The following MMEL1 variants were observed in gnomAD, a reference collection of about 807,000 sequenced individuals.
MMEL1 encodes membrane metalloendopeptidase like 1, also known as membrane metallo-endopeptidase-like 1.
In MMEL1, 98 loss-of-function variants were observed where a neutral mutation model predicts 117.1. The ratio of observed to expected loss-of-function variants is 0.84; its 90% CI spans 0.71 to 0.99. The LOEUF (loss-of-function observed/expected upper bound fraction) is 0.99. MMEL1 is among the 50% of genes least tolerant of loss of function. MMEL1 has a pLI of 0.00. For missense variants in MMEL1, 1,014 were observed against 1,049.1 expected (o/e 0.97, Z 0.46); for synonymous variants, 390 against 415.1 (o/e 0.94, Z 0.74).
At chr1:2,626,859 G>T (rs1638304248) in intron 2 of MMEL1, among the ~76,000 whole-genome samples, 1 of 152,080 alleles carries the variant, frequency 6.6e-6, no homozygotes. Flanking sequence ...CAAGAAAAGA[G>T]AAAAAAACGA....
At chr1:2,602,683 C>T (rs114996135) in intron 11 of MMEL1, among the ~76,000 whole-genome samples, 5,559 of 152,274 alleles carry the variant, frequency 0.037, 145 homozygotes, top group Non-Finnish European at 0.053. Context: ...AAGTGGCCCC[C>T]GAGGTCGGAC....
Position 2,615,005 on chromosome 1 carries a change from T to A in MMEL1, c.155-2801A>T, listed in dbSNP as rs553308437. ...GCCAGAGTTAGAACAATTTGAGCAATGCAATATAGCAGTGGATTATAATGC... is the reference window on the plus strand; with the variant it reads ...GCCAGAGTTAGAACAATTTGAGCAAAGCAATATAGCAGTGGATTATAATGC... On this transcript the variant is annotated intron_variant, in intron 2 of 23. Transcript: ENST00000378412. 3.9e-5 allele frequency among the ~76,000 whole-genome samples: 6 copies of A among 152,216 alleles called. No individual in the cohort carries two copies. The East Asian group carries it at 7.7e-4, about 20-fold the overall frequency.
chr1:2,596,509 G>T, intron 14 of MMEL1, 52 bp downstream of exon 14: 2 of 1,588,380 alleles, frequency 1.3e-6, no homozygotes, highest in Non-Finnish European at 8.5e-7. Context: ...GGGAGGCTCG[G>T]TGTCCCTGTG....
chr1:2,606,420 G>A (rs968447061), intron 7 of MMEL1, 54 bp from the exon 8 acceptor site: 20 of 1,430,364 alleles, frequency 1.4e-5, no homozygotes, highest in Middle Eastern at 1.8e-4. Context: ...GCCCCAGCCC[G>A]GCCCCTTGTC....
At chr1:2,613,373 G>A (rs1344315326) in intron 2 of MMEL1, among the ~76,000 whole-genome samples, 35 of 152,288 alleles carry the variant, frequency 2.3e-4, no homozygotes. Flanking sequence ...AGACTGGACT[G>A]TGGACTCCAG....
chr1:2,591,237 C>T (rs1322481931), intron 23 of MMEL1, 148 bp from the exon 24 acceptor site: 9 of 613,160 alleles, frequency 1.5e-5, no homozygotes, highest in Admixed American at 3.1e-5. Flanking sequence ...ATGAGATAAA[C>T]CCCCATCTGA....
intron 2 of MMEL1, among the ~76,000 whole-genome samples, chr1:2,625,100 G>A (rs571896104): frequency 6.6e-6 from 1 of 152,262 alleles, no homozygotes; most frequent in Admixed American, 6.5e-5. Flanking sequence ...ACATGAGATT[G>A]GGTGGGGACG....
chr1:2,625,779 T>C (rs1320956780), intron 2 of MMEL1, among the ~76,000 whole-genome samples: 3 of 152,106 alleles, frequency 2.0e-5, no homozygotes, highest in Non-Finnish European at 4.4e-5. Flanking sequence ...ATGGAAGTGG[T>C]ATATACAAGA....
intron 1 of MMEL1, 108 bp from the exon 2 acceptor site, chr1:2,629,629 G>A: frequency 2.0e-6 from 2 of 980,108 alleles, no homozygotes; most frequent in Non-Finnish European, 2.8e-6. Flanking sequence ...GGGTGCCTTT[G>A]GAACACTCTT....
intron 2 of MMEL1, among the ~76,000 whole-genome samples, chr1:2,618,729 G>A (rs532987428): frequency 6.6e-6 from 1 of 152,268 alleles, no homozygotes; most frequent in African/African-American, 2.4e-5. Flanking sequence ...TCTCCAGAGG[G>A]AACATTTCTC....
At position 2,594,810 on chromosome 1, in the gene MMEL1, C is replaced by G. The variant is rs1232324151; in HGVS notation, c.1668G>C (p.Arg556=). ...VGAQRSLRKL[R]EKVDPNLWII... ...CTCACAGATTTGGGTCCACCTTTTC[C>G]CGAAGCTTCCTGAGGCTCCGCTGGG... The change falls in exon 17 of 24, where the codon CGG becomes CGC. Residue 556 remains arginine, a synonymous_variant. Coordinates refer to ENST00000378412, the MANE Select transcript of MMEL1 (RefSeq NM_033467.4). The G allele has an allele frequency of 6.2e-7, 1 of 1,613,938 alleles. No homozygotes were observed. The highest frequency in any genetic ancestry group is 1.7e-5 in the Admixed American group (1 of 60,014).
Position 2,598,273 on chromosome 1 carries a change from G to A in MMEL1, c.1206C>T (p.Arg402=). The change falls in exon 13 of 24, where the codon CGC becomes CGT. Residue 402 remains arginine, a synonymous_variant. Coordinates refer to ENST00000378412, the MANE Select transcript of MMEL1 (RefSeq NM_033467.4). ...ARTIQNYLVW[R]LVLDRIGSLS... ...GGCTACCAATGCGGTCCAGCACCAG[G>A]CGCCAGACCAGGTAGTTCTGTATGG... is the stretch of plus-strand genomic sequence containing the variant. 4 of 1,614,134 alleles carry A rather than the reference G, an allele frequency of 2.5e-6. No homozygotes were observed. Among genetic ancestry groups the A allele is most frequent in the African/African-American group, 1.3e-5 (1 of 75,060 alleles).
chr1:2,628,993 G>A (rs979640033), intron 2 of MMEL1, among the ~76,000 whole-genome samples: 17 of 152,066 alleles, frequency 1.1e-4, no homozygotes, highest in African/African-American at 4.1e-4. Context: ...CGGAGGGGCG[G>A]GCGACGGGTC....
chr1:2,611,228 C>T (rs1162288213), intron 4 of MMEL1, 53 bp downstream of exon 4: 7 of 1,516,586 alleles, frequency 4.6e-6, no homozygotes, highest in African/African-American at 2.8e-5. Flanking sequence ...CAGTGTCAGC[C>T]GGGAGCCCCC....
intron 2 of MMEL1, among the ~76,000 whole-genome samples, chr1:2,629,019 C>T (rs1265418552): frequency 6.6e-6 from 1 of 151,892 alleles, no homozygotes; most frequent in Non-Finnish European, 1.5e-5. Context: ...CCCCCACCCT[C>T]CGGGAGTCCG....
At chr1:2,619,451 A>T (rs1645255680) in intron 2 of MMEL1, among the ~76,000 whole-genome samples, 1 of 152,172 alleles carries the variant, frequency 6.6e-6, no homozygotes, top group African/African-American at 2.4e-5. Context: ...TGAGGTCAGG[A>T]GTTTGAGACC....
intron 8 of MMEL1, 65 bp from the exon 9 acceptor site, chr1:2,605,688 G>C: frequency 1.6e-6 from 2 of 1,253,298 alleles, no homozygotes; most frequent in Non-Finnish European, 2.3e-6. Flanking sequence ...GGCTGAGGCA[G>C]GCTGCAGCCG....
chr1:2,594,218 C>A, intron 18 of MMEL1, 167 bp downstream of exon 18: 1 of 865,232 alleles, frequency 1.2e-6, no homozygotes, highest in South Asian at 1.6e-5. Context: ...CGCTCATGGG[C>A]ACGGGAGTGA....
At position 2,594,906 on chromosome 1, in the gene MMEL1, G is replaced by A; in HGVS notation, c.1585-13C>T. On this transcript the variant is annotated splice_polypyrimidine_tract_variant and intron_variant, in intron 16 of 23. Coordinates refer to ENST00000378412, the MANE Select transcript of MMEL1 (RefSeq NM_033467.4). ...CTGAGAAGTTCAGCTACGGGAGAGG[G>A]GCAGTCACTGCCAGATGCTGGGGCC... 1 of 1,606,926 alleles carries A rather than the reference G, an allele frequency of 6.2e-7. No individual in the cohort carries two copies. Among genetic ancestry groups the A allele is most frequent in the Non-Finnish European group, 8.5e-7 (1 of 1,173,750 alleles).
Sources: allele counts gnomAD v4.1 joint callset (sites outside exome capture counted in the v4.1 genomes callset), GRCh38; gene constraint gnomAD v4.1.1; transcripts MANE v1.5; gene names NCBI Gene and HGNC (gene_info 2026-07-23, HGNC 2026-07-21).